SCEL: variants seen among roughly 807,000 people sequenced by gnomAD.
SCEL encodes sciellin.
A neutral mutation model predicts 117.6 loss-of-function variants in SCEL; 113 were observed. That is an observed-to-expected ratio of 0.96 (90% CI 0.83 to 1.12). SCEL has a LOEUF of 1.12. Among genes scored for constraint, SCEL ranks in the 50% most tolerant of loss-of-function variants. The pLI, the probability that SCEL is intolerant of heterozygous loss-of-function variation, is 0.00. For synonymous variants in SCEL, 270 were observed against 256.2 expected, an observed-to-expected ratio of 1.05 and a Z score of -0.51; for missense variants, 785 against 810.8, an observed-to-expected ratio of 0.97 and a Z score of 0.39.
At chr13:77,633,268 C>G (rs2090108687) in intron 28 of SCEL, among the ~76,000 whole-genome samples, 1 of 148,942 alleles carries the variant, frequency 6.7e-6, no homozygotes, top group South Asian at 2.2e-4. Flanking sequence ...AACCCCGTCT[C>G]TACTAAAAAT....
Position 77,567,830 on chromosome 13 carries a change from C to G in SCEL, c.359+82C>G, listed in dbSNP as rs1283744665. ...ACCTATGTACTTGCAATTCTTCAAT[C>G]CTACTTGATATCTTTCTGTAAATTC... On this transcript the variant is annotated intron_variant, in intron 6 of 32. Transcript: ENST00000349847. 6 of 818,190 alleles carry G rather than the reference C, an allele frequency of 7.3e-6. No homozygotes were observed. In the African/African-American group the frequency reaches 8.8e-5, roughly 12 times the overall value. 50.7% of individuals were successfully genotyped at this position (818,190 alleles called of 1,614,324 possible). A position where few individuals can be genotyped will look rare whatever the true frequency, so the allele number is the denominator to read the frequency against.
intron 9 of SCEL, among the ~76,000 whole-genome samples, chr13:77,585,166 T>G (rs1246570050): frequency 6.6e-6 from 1 of 152,230 alleles, no homozygotes; most frequent in Admixed American, 6.5e-5. Context: ...TCCTAGTACT[T>G]GGGATATAGC....
chr13:77,637,239 G>C (rs984244157), intron 30 of SCEL, 45 bp downstream of exon 30: 10 of 702,594 alleles, frequency 1.4e-5, no homozygotes, highest in Admixed American at 3.1e-5. Context: ...CACACATACA[G>C]ACACACACAC....
intron 31 of SCEL, 133 bp from the exon 32 acceptor site, chr13:77,642,573 G>A: frequency 1.9e-6 from 1 of 527,150 alleles, no homozygotes; most frequent in Non-Finnish European, 3.3e-6. Flanking sequence ...CTACTCCACT[G>A]TGAGTGAAGT....
At chr13:77,617,478 C>A in intron 24 of SCEL, 121 bp from the exon 25 acceptor site, 1 of 585,736 alleles carries the variant, frequency 1.7e-6, no homozygotes, top group Non-Finnish European at 3.0e-6. Context: ...AAACGTATTT[C>A]ATAGTTAGTC....
At chr13:77,614,048 T>C (rs1383758928) in intron 24 of SCEL, 93 bp downstream of exon 24, 2 of 1,056,204 alleles carry the variant, frequency 1.9e-6, no homozygotes, top group Non-Finnish European at 2.9e-6. Context: ...GCAAATTGAA[T>C]ATAAATCTCA....
chr13:77,580,119 T>C (rs2086184934), intron 9 of SCEL, among the ~76,000 whole-genome samples: 1 of 152,224 alleles, frequency 6.6e-6, no homozygotes, highest in Non-Finnish European at 1.5e-5. Flanking sequence ...AATATCATGT[T>C]TCTATTTTAA....
At chr13:77,623,884 C>G (rs1234538788) in intron 27 of SCEL, among the ~76,000 whole-genome samples, 1 of 152,148 alleles carries the variant, frequency 6.6e-6, no homozygotes, top group African/African-American at 2.4e-5. Context: ...AGGGTAGAAG[C>G]AGACCTGTAT....
chr13:77,612,534 CAT>C (rs1386373508), intron 22 of SCEL, among the ~76,000 whole-genome samples: 5 of 127,198 alleles, frequency 3.9e-5, no homozygotes, highest in African/African-American at 1.4e-4. Flanking sequence ...GAGCAAGGAA[CAT>C]ATGGAAATAA....
rs1010547405 is a variant in SCEL at position 77,558,872 on chromosome 13, C to T, written c.162-932C>T. Among the ~76,000 whole-genome samples the T allele has an allele frequency of 2.7e-5, 4 of 147,494 alleles. No individual in the cohort carries two copies. In the East Asian group the frequency reaches 8.0e-4, roughly 29 times the overall value. On this transcript the variant is annotated intron_variant, in intron 3 of 32. Transcript: ENST00000349847. ...AGAGTGTTAAGTAATGTTAGTAGAG[C>T]ATAACCAGGAAAAATGTGGTATTTC...
chr13:77,612,868 A>G (rs1285742107), intron 22 of SCEL, 23 bp from the exon 23 acceptor site: 2 of 1,428,332 alleles, frequency 1.4e-6, no homozygotes, highest in African/African-American at 1.4e-5. Context: ...TGACTTAGCT[A>G]TTGAAACTTA....
intron 30 of SCEL, 52 bp from the exon 31 acceptor site, chr13:77,640,624 T>A (rs1044637012): frequency 2.4e-6 from 2 of 850,262 alleles, no homozygotes; most frequent in Middle Eastern, 4.6e-4. Flanking sequence ...AGGGAATACA[T>A]CTGTCTTCTG....
chr13:77,577,471 G>A (rs1360653267), intron 9 of SCEL, among the ~76,000 whole-genome samples: 1 of 152,054 alleles, frequency 6.6e-6, no homozygotes, highest in African/African-American at 2.4e-5. Flanking sequence ...ACAGCATGGG[G>A]GAAACTGCCC....
chr13:77,609,252 T>C, intron 21 of SCEL, 135 bp downstream of exon 21: 1 of 686,688 alleles, frequency 1.5e-6, no homozygotes, highest in Non-Finnish European at 2.3e-6. Flanking sequence ...CTACCTCACA[T>C]CTGAAATGTT....
chr13:77,601,936 G>T, intron 15 of SCEL, 129 bp from the exon 16 acceptor site: 2 of 614,070 alleles, frequency 3.3e-6, no homozygotes, highest in Non-Finnish European at 5.4e-6. Context: ...GATCCTTTAG[G>T]CACTGATTGT....
chr13:77,542,846 C>T (rs1296142523), intron 1 of SCEL, among the ~76,000 whole-genome samples: 1 of 151,892 alleles, frequency 6.6e-6, no homozygotes, highest in Non-Finnish European at 1.5e-5. Context: ...TTATAGAGCC[C>T]CTCTTATTCT....
chr13:77,608,837 G>A (rs2088426488), intron 20 of SCEL, among the ~76,000 whole-genome samples: 1 of 151,924 alleles, frequency 6.6e-6, no homozygotes, highest in Admixed American at 6.6e-5. Flanking sequence ...CTAATTATAT[G>A]GTTTTATTTT....
intron 8 of SCEL, among the ~76,000 whole-genome samples, chr13:77,570,651 A>C (rs1200801113): frequency 6.6e-6 from 1 of 152,180 alleles, no homozygotes; most frequent in Middle Eastern, 3.2e-3. Context: ...TCTGTAGTGC[A>C]TATCATTCTC....
At chr13:77,539,670 G>C (rs2083595155) in intron 1 of SCEL, among the ~76,000 whole-genome samples, 1 of 152,006 alleles carries the variant, frequency 6.6e-6, no homozygotes, top group Admixed American at 6.6e-5. Context: ...GAATAGCTGG[G>C]ACTACAGGCG....
Sources: allele counts gnomAD v4.1 joint callset (sites outside exome capture counted in the v4.1 genomes callset), GRCh38; gene constraint gnomAD v4.1.1; transcripts MANE v1.5; gene names NCBI Gene and HGNC (gene_info 2026-07-23, HGNC 2026-07-21).